Variants in PRKN observed in about 807,000 individuals in gnomAD.
The protein encoded by PRKN is E3 ubiquitin-protein ligase parkin.
Under a neutral mutation model 59.5 loss-of-function variants are expected in PRKN, and 56 were observed. That is an observed-to-expected ratio of 0.94 (90% CI 0.76 to 1.18). The LOEUF is 1.18. PRKN is among the 50% of genes most tolerant of loss of function. The pLI, the probability that PRKN is intolerant of heterozygous loss-of-function variation, is 0.00. For missense variants in PRKN, 657 were observed against 596.4 expected (o/e 1.10, Z -1.06); for synonymous variants, 250 against 222.1 (o/e 1.13, Z -1.12).
intron 6 of PRKN, among the ~76,000 whole-genome samples, chr6:161,949,236 G>C (rs1238837769): frequency 1.3e-5 from 2 of 152,216 alleles, no homozygotes; most frequent in African/African-American, 2.4e-5. Flanking sequence ...TCCAGGCTGG[G>C]AGTGGTGGCT....
intron 4 of PRKN, among the ~76,000 whole-genome samples, chr6:162,120,141 T>C (rs370234676): frequency 1.2e-4 from 18 of 152,174 alleles, no homozygotes; most frequent in African/African-American, 4.3e-4. Flanking sequence ...CATCGACGAG[T>C]AACTGGGACC....
At chr6:161,869,144 C>T (rs1200183223) in intron 6 of PRKN, among the ~76,000 whole-genome samples, 2 of 152,090 alleles carry the variant, frequency 1.3e-5, no homozygotes, top group Non-Finnish European at 2.9e-5. Context: ...TTTGGGAGGC[C>T]GAGGCGGGTG....
intron 1 of PRKN, among the ~76,000 whole-genome samples, chr6:162,457,770 T>G (rs1790949834): frequency 6.6e-6 from 1 of 152,202 alleles, no homozygotes; most frequent in Non-Finnish European, 1.5e-5. Context: ...ACTGCTTTGC[T>G]CATTTTTATA....
chr6:161,805,452 G>GCACACACACA (rs1554310490), intron 6 of PRKN, among the ~76,000 whole-genome samples: 1,876 of 39,100 alleles, frequency 0.048, 34 homozygotes, highest in African/African-American at 0.075. Flanking sequence ...GTACACACAT[G>GCACACACACA]CACACACACA....
chr6:162,069,961 A>T (rs1778505140), intron 4 of PRKN, among the ~76,000 whole-genome samples: 1 of 152,210 alleles, frequency 6.6e-6, no homozygotes, highest in Admixed American at 6.5e-5. Flanking sequence ...AGAGACTATG[A>T]TCATAATAAA....
intron 7 of PRKN, among the ~76,000 whole-genome samples, chr6:161,633,157 T>C (rs1299336534): frequency 6.6e-6 from 1 of 152,204 alleles, no homozygotes; most frequent in Non-Finnish European, 1.5e-5. Context: ...AAAAAATGCA[T>C]GTGTATTTGT....
At chr6:162,650,674 C>T (rs1295230311) in intron 1 of PRKN, among the ~76,000 whole-genome samples, 1 of 151,396 alleles carries the variant, frequency 6.6e-6, no homozygotes, top group Non-Finnish European at 1.5e-5. Context: ...ACAAAGTATA[C>T]AGATATCCCT....
At chr6:161,380,968 C>T (rs894487635) in intron 10 of PRKN, among the ~76,000 whole-genome samples, 2 of 152,114 alleles carry the variant, frequency 1.3e-5, no homozygotes, top group African/African-American at 2.4e-5. Context: ...CCACAGACCA[C>T]CCCCACCCGC....
At chr6:161,700,008 C>A (rs1414479363) in intron 7 of PRKN, among the ~76,000 whole-genome samples, 1 of 151,982 alleles carries the variant, frequency 6.6e-6, no homozygotes. Flanking sequence ...TATTTCTAAT[C>A]TTCCTTGACC....
chr6:161,898,394 T>C lies in PRKN; in HGVS notation c.734+74908A>G, dbSNP rs148440595. ...ATAATATTTACGCATTACATCTGTA[T>C]ATTGCTTTACACTGTTCACAATATC... On this transcript the variant is annotated intron_variant, in intron 6 of 11. Coordinates refer to ENST00000366898, the MANE Select transcript of PRKN (RefSeq NM_004562.3). 2.8e-3 allele frequency among the ~76,000 whole-genome samples: 427 copies of C among 152,348 alleles called. 2 individuals carry two copies. The highest frequency in any genetic ancestry group is 3.9e-3 in the Non-Finnish European group (262 of 68,038).
In PRKN at chr6:162,625,347, T is replaced by G. The variant is rs7746652; in HGVS notation, c.7+102315A>C. ...AAAGTGAGGACTGATGTCTATCTAG[T>G]GTAGGTTTATAAACAGTTTTCATTT... On this transcript the variant is annotated intron_variant, in intron 1 of 11. Coordinates refer to ENST00000366898, the MANE Select transcript of PRKN (RefSeq NM_004562.3). Among the ~76,000 whole-genome samples the G allele has an allele frequency of 8.5e-3, 1,290 of 152,298 alleles. 18 individuals carry two copies. Among genetic ancestry groups the G allele is most frequent in the African/African-American group, 0.03 (1,239 of 41,560 alleles).
At chr6:161,697,873 ACATTTTTATTTTT>A (rs996260414) in intron 7 of PRKN, among the ~76,000 whole-genome samples, 3 of 152,192 alleles carry the variant, frequency 2.0e-5, no homozygotes, top group African/African-American at 7.2e-5. Flanking sequence ...AGGCCATTTT[ACATTTTTATTTTT>A]CATTTTTATT....
intron 1 of PRKN, among the ~76,000 whole-genome samples, chr6:162,659,306 T>C (rs1224424244): frequency 1.2e-5 from 1 of 81,014 alleles, no homozygotes; most frequent in Non-Finnish European, 2.4e-5. Context: ...ACAAGTTTCA[T>C]TCCAATTTGA....
intron 1 of PRKN, among the ~76,000 whole-genome samples, chr6:162,655,554 A>C (rs1406310118): frequency 2.0e-5 from 3 of 152,198 alleles, no homozygotes; most frequent in Non-Finnish European, 4.4e-5. Context: ...CTCCAAAAGA[A>C]ATTTTAGTAA....
At chr6:161,660,011 T>C (rs1784487331) in intron 7 of PRKN, among the ~76,000 whole-genome samples, 2 of 152,158 alleles carry the variant, frequency 1.3e-5, no homozygotes, top group African/African-American at 4.8e-5. Context: ...TGAGATGATG[T>C]ATCCGAATGG....
At chr6:161,939,991 C>T (rs1388833665) in intron 6 of PRKN, among the ~76,000 whole-genome samples, 1 of 151,758 alleles carries the variant, frequency 6.6e-6, no homozygotes, top group African/African-American at 2.4e-5. Flanking sequence ...CTCTGTCTCC[C>T]GGGTTCAAAC....
At chr6:162,677,350 C>T (rs767468967) in intron 1 of PRKN, among the ~76,000 whole-genome samples, 32 of 151,252 alleles carry the variant, frequency 2.1e-4, no homozygotes, top group Middle Eastern at 3.4e-3. Flanking sequence ...CTTCCTTTTG[C>T]ACCTTTCGAA....
intron 4 of PRKN, among the ~76,000 whole-genome samples, chr6:162,112,227 C>T (rs1780470119): frequency 6.6e-6 from 1 of 152,192 alleles, no homozygotes; most frequent in Non-Finnish European, 1.5e-5. Flanking sequence ...CAGCTTTATG[C>T]TAAATATTGT....
rs116296869 is a variant in PRKN at position 161,733,557 on chromosome 6, T to C, written c.871+52215A>G. 8.2e-3 allele frequency among the ~76,000 whole-genome samples: 1,249 copies of C among 152,132 alleles called. 20 individuals carry two copies. The highest frequency in any genetic ancestry group is 0.029 in the African/African-American group (1,192 of 41,490). On this transcript the variant is annotated intron_variant, in intron 7 of 11. Transcript: ENST00000366898. ...TAAAACTCCCTTAGCTTCCAGCTGATGCCTTATTCTCAAGATTTGTCATGA... is the reference window on the plus strand; with the variant it reads ...TAAAACTCCCTTAGCTTCCAGCTGACGCCTTATTCTCAAGATTTGTCATGA...
Sources: allele counts gnomAD v4.1 joint callset (sites outside exome capture counted in the v4.1 genomes callset), GRCh38; gene constraint gnomAD v4.1.1; transcripts MANE v1.5; gene names NCBI Gene and HGNC (gene_info 2026-07-23, HGNC 2026-07-21).